Variants in FAM83B observed in about 807,000 individuals in gnomAD.
FAM83B encodes the protein protein FAM83B.
Under a neutral mutation model 38.8 loss-of-function variants are expected in FAM83B, and 26 were observed. The observed-to-expected ratio is 0.67, with a 90% CI of 0.49 to 0.93. The LOEUF is 0.93. Among genes scored for constraint, FAM83B ranks in the 40% least tolerant of loss-of-function variants. The pLI, the probability that FAM83B is intolerant of heterozygous loss-of-function variation, is 0.00. For missense variants in FAM83B, 1,237 were observed against 1,197.3 expected, an observed-to-expected ratio of 1.03 and a Z score of -0.49; for synonymous variants, 419 against 423.1, an observed-to-expected ratio of 0.99 and a Z score of 0.12.
intron 2 of FAM83B, among the ~76,000 whole-genome samples, chr6:54,916,149 A>C (rs1773032339): frequency 6.6e-6 from 1 of 152,036 alleles, no homozygotes; most frequent in South Asian, 2.1e-4. Flanking sequence ...CCTATTCCCC[A>C]AACTCCTCTT....
chr6:54,862,869 A>C (rs71547976), intron 1 of FAM83B, among the ~76,000 whole-genome samples: 45,380 of 140,148 alleles, frequency 0.32, 8,610 homozygotes, highest in East Asian at 0.85. Context: ...GGGTGCAAAA[A>C]CCCCCCCCCA....
intron 2 of FAM83B, among the ~76,000 whole-genome samples, chr6:54,874,741 T>G (rs550978604): frequency 6.6e-6 from 1 of 152,296 alleles, no homozygotes; most frequent in East Asian, 1.9e-4. Flanking sequence ...GGCTAGCTTT[T>G]TTTGTGAGAT....
chr6:54,867,375 C>T (rs971190907), intron 1 of FAM83B, among the ~76,000 whole-genome samples: 4 of 151,962 alleles, frequency 2.6e-5, no homozygotes, highest in African/African-American at 9.7e-5. Context: ...TAGATGGTTC[C>T]TTCACAAGTA....
chr6:54,866,020 T>C (rs555524821), intron 1 of FAM83B, among the ~76,000 whole-genome samples: 9 of 151,680 alleles, frequency 5.9e-5, no homozygotes, highest in African/African-American at 2.2e-4. Flanking sequence ...TGCATTACCT[T>C]ATTTATTCCT....
chr6:54,940,493 A>G lies in FAM83B; in HGVS notation c.1522A>G (p.Thr508Ala). The G allele has an allele frequency of 6.2e-7, 1 of 1,614,116 alleles. No individual in the cohort carries two copies. Among genetic ancestry groups the G allele is most frequent in the Non-Finnish European group, 8.5e-7 (1 of 1,180,008 alleles). The change falls in exon 5 of 5, where the codon ACA becomes GCA. Residue 508 changes from threonine (T) to alanine (A), a missense_variant. Physicochemically the swap from Thr to Ala is moderately conservative, Grantham distance 58. Transcript: ENST00000306858. ...ESYLNDHSEA[T>A]PDSNGSALGD... ...CTACTTAAATGATCATTCAGAAGCT[A>G]CACCGGACTCAAATGGATCAGCTTT...
In FAM83B at chr6:54,940,505, A is replaced by G. The variant is rs1773648033; in HGVS notation, c.1534A>G (p.Asn512Asp). The G allele has an allele frequency of 6.2e-7, 1 of 1,614,092 alleles. No individual in the cohort carries two copies. The highest frequency in any genetic ancestry group is 8.5e-7 in the Non-Finnish European group (1 of 1,180,004). The stretch of plus-strand genomic sequence containing the variant: ...TCATTCAGAAGCTACACCGGACTCA[A>G]ATGGATCAGCTTTAGGTGACCGATT... Reference protein sequence around the residue: ...NDHSEATPDSNGSALGDRFEG... With the variant: ...NDHSEATPDSDGSALGDRFEG... Residue 512 changes from asparagine (N) to aspartate (D), a missense_variant, in exon 5 of 5, where the codon AAT becomes GAT. Asn to Asp is a conservative substitution (Grantham distance 23). Transcript: ENST00000306858.
At chr6:54,921,980 A>G (rs987688398) in intron 2 of FAM83B, among the ~76,000 whole-genome samples, 1 of 152,072 alleles carries the variant, frequency 6.6e-6, no homozygotes, top group Non-Finnish European at 1.5e-5. Context: ...ATCAAGTGAG[A>G]GTACAAAGAA....
At chr6:54,920,214 T>A (rs1383015509) in intron 2 of FAM83B, among the ~76,000 whole-genome samples, 1 of 151,920 alleles carries the variant, frequency 6.6e-6, no homozygotes. Context: ...TTGACAGGGT[T>A]TACAGACTTG....
chr6:54,876,660 G>T (rs73437796), intron 2 of FAM83B, among the ~76,000 whole-genome samples: 14,573 of 151,828 alleles, frequency 0.096, 793 homozygotes, highest in South Asian at 0.15. Flanking sequence ...ATGTTTTTGA[G>T]ACTATTTCCT....
At chr6:54,913,111 C>T (rs981210072) in intron 2 of FAM83B, among the ~76,000 whole-genome samples, 6 of 151,902 alleles carry the variant, frequency 3.9e-5, no homozygotes, top group African/African-American at 1.4e-4. Flanking sequence ...CAAAGTGAAA[C>T]AATTACCACC....
chr6:54,883,045 C>T lies in FAM83B; in HGVS notation c.444+12355C>T, dbSNP rs190448170. Among the ~76,000 whole-genome samples the T allele has an allele frequency of 6.3e-3, 965 of 152,160 alleles. 18 individuals are homozygous for T. The highest frequency in any genetic ancestry group is 0.022 in the African/African-American group (902 of 41,516). ...TGCAAGCTCCGCCTCCCGGGAGCTT[C>T]TCCTGCCTCAGCCTCCTGAGTAGCT... On this transcript the variant is annotated intron_variant, in intron 2 of 4. Coordinates refer to ENST00000306858, the MANE Select transcript of FAM83B (RefSeq NM_001010872.3).
chr6:54,855,756 C>G (rs925954071), intron 1 of FAM83B, among the ~76,000 whole-genome samples: 1 of 151,960 alleles, frequency 6.6e-6, no homozygotes, highest in African/African-American at 2.4e-5. Context: ...TACGATTCAC[C>G]AAAAAGTGGG....
chr6:54,859,808 A>G (rs1424747968), intron 1 of FAM83B, among the ~76,000 whole-genome samples: 3 of 152,230 alleles, frequency 2.0e-5, no homozygotes, highest in African/African-American at 7.2e-5. Context: ...TATAAGAATT[A>G]TCAAACTTTG....
chr6:54,868,569 A>G (rs1464636578), intron 1 of FAM83B, among the ~76,000 whole-genome samples: 1 of 152,170 alleles, frequency 6.6e-6, no homozygotes, highest in Non-Finnish European at 1.5e-5. Flanking sequence ...AGCAGACAAG[A>G]TGGGTGTTCT....
chr6:54,921,131 C>G (rs971414766), intron 2 of FAM83B, among the ~76,000 whole-genome samples: 2 of 151,874 alleles, frequency 1.3e-5, no homozygotes, highest in South Asian at 4.1e-4. Context: ...TAATTTTGCT[C>G]ATTATTTACT....
At chr6:54,902,493 A>G (rs946500408) in intron 2 of FAM83B, among the ~76,000 whole-genome samples, 2 of 152,156 alleles carry the variant, frequency 1.3e-5, no homozygotes, top group Non-Finnish European at 2.9e-5. Flanking sequence ...TCATGATTTC[A>G]GTCTTCAACT....
At chr6:54,879,219 A>G (rs564076961) in intron 2 of FAM83B, among the ~76,000 whole-genome samples, 6 of 152,338 alleles carry the variant, frequency 3.9e-5, no homozygotes, top group Non-Finnish European at 8.8e-5. Flanking sequence ...TGGAACCCAA[A>G]TAGACTGACT....
intron 2 of FAM83B, among the ~76,000 whole-genome samples, chr6:54,919,108 A>T (rs1172311200): frequency 6.6e-6 from 1 of 152,116 alleles, no homozygotes; most frequent in Non-Finnish European, 1.5e-5. Flanking sequence ...TAGAACATGA[A>T]AGATTATTGA....
chr6:54,903,056 C>A (rs1375023445), intron 2 of FAM83B, among the ~76,000 whole-genome samples: 1 of 152,050 alleles, frequency 6.6e-6, no homozygotes, highest in Non-Finnish European at 1.5e-5. Flanking sequence ...TAACCTCATA[C>A]AATTTGCATA....
Sources: allele counts gnomAD v4.1 joint callset (sites outside exome capture counted in the v4.1 genomes callset), GRCh38; gene constraint gnomAD v4.1.1; transcripts MANE v1.5; gene names NCBI Gene and HGNC (gene_info 2026-07-23, HGNC 2026-07-21).